Variants in NRG4 observed in about 807,000 individuals in gnomAD.
The protein encoded by NRG4 is neuregulin 4.
Under a neutral mutation model 15.0 loss-of-function variants are expected in NRG4, and 10 were observed. That is an observed-to-expected ratio of 0.67 (90% CI 0.41 to 1.13). NRG4 has a LOEUF of 1.13. NRG4 is among the 50% of genes most tolerant of loss of function. The pLI is 0.00. For synonymous variants in NRG4, 41 were observed against 50.1 expected (o/e 0.82, Z 0.77); for missense variants, 139 against 140.2 (o/e 0.99, Z 0.04).
intron 5 of NRG4, among the ~76,000 whole-genome samples, chr15:76,022,113 G>A (rs991325156): frequency 6.6e-6 from 1 of 152,186 alleles, no homozygotes; most frequent in Admixed American, 6.5e-5. Context: ...CCTGCTGTGT[G>A]GCCTGGTTCC....
upstream of NRG4, among the ~76,000 whole-genome samples, chr15:76,014,026 T>C (rs1004578634): frequency 1.2e-4 from 19 of 152,222 alleles, no homozygotes; most frequent in Admixed American, 9.8e-4. Context: ...TTTTTAATGA[T>C]CGCCATTCTA....
At chr15:76,031,402 T>C (rs1316266676) in intron 5 of NRG4, among the ~76,000 whole-genome samples, 3 of 152,224 alleles carry the variant, frequency 2.0e-5, no homozygotes, top group South Asian at 4.1e-4. Flanking sequence ...AACATAAAAA[T>C]TGGGGCTGGG....
chr15:75,952,569 T>C (rs200168779), intron 5 of NRG4, among the ~76,000 whole-genome samples: 15 of 144,558 alleles, frequency 1.0e-4, no homozygotes, highest in African/African-American at 3.8e-4. Flanking sequence ...CATTTTTTTT[T>C]CTTTTTTTTC....
At chr15:76,040,417 A>T (rs2035705715) in intron 4 of NRG4, among the ~76,000 whole-genome samples, 1 of 152,210 alleles carries the variant, frequency 6.6e-6, no homozygotes, top group Admixed American at 6.5e-5. Context: ...TCCTACAAGA[A>T]ATGCTAAAGG....
At chr15:76,017,353 T>A (rs962736467), upstream of NRG4, among the ~76,000 whole-genome samples, 3 of 152,070 alleles carry the variant, frequency 2.0e-5, no homozygotes, top group Non-Finnish European at 4.4e-5. Flanking sequence ...AAGATTAATA[T>A]TGTTATGTGT....
chr15:75,947,613 T>C (rs548019872), intron 5 of NRG4, among the ~76,000 whole-genome samples: 2 of 152,350 alleles, frequency 1.3e-5, no homozygotes, highest in South Asian at 4.1e-4. Flanking sequence ...GGTATACAAA[T>C]ATCTGTTTGA....
rs60453624 is a variant in NRG4, at chr15:75,993,392, T to TAAAA, written c.104+15804_104+15807dup. Among the ~76,000 whole-genome samples, 141 of 72,140 alleles carry TAAAA rather than the reference T, an allele frequency of 2.0e-3. 1 individual carries two copies. Among genetic ancestry groups the TAAAA allele is most frequent in the African/African-American group, 6.2e-3 (124 of 19,898 alleles). 47.3% of individuals were successfully genotyped at this position (72,140 alleles called of 152,430 possible). ...ATTTGACAAGTCACTGAGGATTCTG[T>TAAAA]AAAAAAAAAAAAAAAAAAAAAAAAA... On this transcript the variant is annotated intron_variant, in intron 3 of 5. Coordinates refer to ENST00000394907, the MANE Select transcript of NRG4 (RefSeq NM_138573.4).
chr15:75,998,416 G>A (rs1235083700), intron 3 of NRG4, among the ~76,000 whole-genome samples: 1 of 152,144 alleles, frequency 6.6e-6, no homozygotes, highest in Non-Finnish European at 1.5e-5. Context: ...GGGGGAGTTA[G>A]CCATGAGGAT....
intron 3 of NRG4, among the ~76,000 whole-genome samples, chr15:76,002,544 A>G (rs2034451178): frequency 6.6e-6 from 1 of 152,144 alleles, no homozygotes; most frequent in Non-Finnish European, 1.5e-5. Context: ...TAAATCATAC[A>G]ATTAAAAGAG....
intron 5 of NRG4, among the ~76,000 whole-genome samples, chr15:76,022,812 A>C (rs747722480): frequency 3.9e-5 from 6 of 152,180 alleles, no homozygotes; most frequent in Non-Finnish European, 8.8e-5. Context: ...ATTTTAGAAA[A>C]TTCATTCTGA....
At chr15:76,022,423 TTTAC>T (rs1440447187) in intron 5 of NRG4, among the ~76,000 whole-genome samples, 1 of 72,574 alleles carries the variant, frequency 1.4e-5, no homozygotes, top group African/African-American at 3.7e-5. Context: ...TGTCAATATT[TTTAC>T]ACACACACAC....
downstream of NRG4, chr15:75,936,060 T>A (rs1339572805): frequency 1.3e-5 from 2 of 152,256 alleles, no homozygotes; most frequent in African/African-American, 4.8e-5. Flanking sequence ...GTGCTGGGAT[T>A]ACAGGCATGA....
At chr15:75,994,290 T>C (rs2034130989) in intron 3 of NRG4, among the ~76,000 whole-genome samples, 1 of 152,200 alleles carries the variant, frequency 6.6e-6, no homozygotes, top group Non-Finnish European at 1.5e-5. Context: ...CCCAGATATT[T>C]GGGCATATAA....
At chr15:76,022,489 T>C (rs74024065) in intron 5 of NRG4, among the ~76,000 whole-genome samples, 1 of 151,810 alleles carries the variant, frequency 6.6e-6, no homozygotes, top group Admixed American at 6.6e-5. Context: ...CAGAAAAAGA[T>C]TCCAAGAGGT....
At chr15:75,956,085 A>C in intron 4 of NRG4, 74 bp from the exon 5 acceptor site, 1 of 729,448 alleles carries the variant, frequency 1.4e-6, no homozygotes, top group Non-Finnish European at 2.2e-6. Flanking sequence ...CTAGAAAGAA[A>C]GTTTTTTTTT....
chr15:76,033,971 T>C (rs536393919), intron 5 of NRG4, among the ~76,000 whole-genome samples: 5 of 152,338 alleles, frequency 3.3e-5, no homozygotes, highest in South Asian at 4.1e-4. Context: ...GGATAACCAA[T>C]AGTGTCTGTC....
chr15:76,029,013 G>C (rs2035397802), intron 5 of NRG4, among the ~76,000 whole-genome samples: 3 of 151,392 alleles, frequency 2.0e-5, no homozygotes, highest in Admixed American at 6.6e-5. Context: ...GAAACTACAG[G>C]ATAAATCCTC....
chr15:76,004,497 G>A (rs558982033), intron 3 of NRG4, among the ~76,000 whole-genome samples: 2 of 151,610 alleles, frequency 1.3e-5, no homozygotes, highest in African/African-American at 2.4e-5. Flanking sequence ...TACTCAGGAG[G>A]CTGAGGCAGG....
intron 3 of NRG4, among the ~76,000 whole-genome samples, chr15:75,967,200 T>C (rs751508411): frequency 2.0e-5 from 3 of 151,626 alleles, no homozygotes; most frequent in Non-Finnish European, 4.4e-5. Context: ...TAGATTTTTA[T>C]AGGCCGAGAA....
Sources: allele counts gnomAD v4.1 joint callset (sites outside exome capture counted in the v4.1 genomes callset), GRCh38; gene constraint gnomAD v4.1.1; transcripts MANE v1.5; gene names NCBI Gene and HGNC (gene_info 2026-07-23, HGNC 2026-07-21).